ZNF3: variants seen among roughly 807,000 people sequenced by gnomAD.
ZNF3 encodes C2-H2 type zinc finger protein.
Under a neutral mutation model 36.9 loss-of-function variants are expected in ZNF3, and 16 were observed. The observed-to-expected ratio is 0.43, with a 90% CI of 0.29 to 0.66. The LOEUF (loss-of-function observed/expected upper bound fraction) is 0.66. Ranked by LOEUF, ZNF3 falls within the 30% of genes least tolerant of loss-of-function variation. The pLI is 0.13. For missense variants in ZNF3, 462 were observed against 543.1 expected (o/e 0.85, Z 1.48); for synonymous variants, 201 against 201.9 (o/e 1.00, Z 0.04).
chr7:100,065,808 A>G, downstream of ZNF3, among the ~76,000 whole-genome samples: 1 of 150,506 alleles, frequency 6.6e-6, no homozygotes, highest in East Asian at 1.9e-4. Flanking sequence ...GGACATGGCC[A>G]TAGGGTGAGT....
At chr7:100,065,349 G>A (rs1327204846), downstream of ZNF3, among the ~76,000 whole-genome samples, 5 of 151,740 alleles carry the variant, frequency 3.3e-5, no homozygotes, top group Admixed American at 6.6e-5. Context: ...GCTTGAACCC[G>A]GGAGGCAGAG....
chr7:100,075,378 A>C (rs1348275159), intron 4 of ZNF3, 117 bp from the exon 5 acceptor site: 1 of 1,575,730 alleles, frequency 6.3e-7, no homozygotes, highest in East Asian at 2.2e-5. Context: ...AAGGGAGGAC[A>C]GGGTGGAGGA....
At chr7:100,080,814 T>G (rs939171240) in intron 1 of ZNF3, among the ~76,000 whole-genome samples, 3 of 152,096 alleles carry the variant, frequency 2.0e-5, no homozygotes, top group African/African-American at 7.2e-5. Context: ...AAAAATTAAT[T>G]TTTTTAAAAA....
chr7:100,082,254 G>GA (rs1795075406), upstream of ZNF3: 1 of 152,138 alleles, frequency 6.6e-6, no homozygotes, highest in South Asian at 2.1e-4. Flanking sequence ...TTGACATGAG[G>GA]AAAAAACCCG....
chr7:100,070,927 G>C lies in ZNF3; in HGVS notation c.*216C>G. On this transcript the variant is annotated 3_prime_UTR_variant, in exon 6 of 6. Coordinates refer to ENST00000299667, the MANE Select transcript of ZNF3 (RefSeq NM_032924.5). Reference sequence around the variant, plus strand: ...CCTAAATGGGGTAACTGGTCCCAGAGCTGCTTTCTATTCCCAGCACGCCAT... The same window carrying C: ...CCTAAATGGGGTAACTGGTCCCAGACCTGCTTTCTATTCCCAGCACGCCAT... 1 of 1,353,160 alleles carries C rather than the reference G, an allele frequency of 7.4e-7. No homozygotes were observed. The highest frequency in any genetic ancestry group is 9.5e-7 in the Non-Finnish European group (1 of 1,057,470). 83.8% of individuals were successfully genotyped at this position (1,353,160 alleles called of 1,614,324 possible). A position where few individuals can be genotyped will look rare whatever the true frequency, so the allele number is the denominator to read the frequency against.
chr7:100,081,095 G>C lies in ZNF3; in HGVS notation c.-198+540C>G, dbSNP rs1036374998. Among the ~76,000 whole-genome samples the C allele has an allele frequency of 2.0e-5, 3 of 152,182 alleles. No individual in the cohort carries two copies. Among genetic ancestry groups the C allele is most frequent in the African/African-American group, 7.2e-5 (3 of 41,444 alleles). On this transcript the variant is annotated intron_variant, in intron 1 of 5. Transcript: ENST00000299667. The surrounding 1 kb of genome is among the most constrained non-coding windows in gnomAD (Gnocchi z 4.3). ...TAATACAACTGAAAACGGAGCCTGA[G>C]CCAGGTGTATCACGCGATGCACTGG...
downstream of ZNF3, among the ~76,000 whole-genome samples, chr7:100,067,232 G>A (rs957457074): frequency 6.6e-6 from 1 of 152,112 alleles, no homozygotes; most frequent in African/African-American, 2.4e-5. Flanking sequence ...AACAATCCCG[G>A]TGCTCCCCTC....
chr7:100,074,397 A>G (rs1230426726), intron 5 of ZNF3, among the ~76,000 whole-genome samples: 1 of 152,084 alleles, frequency 6.6e-6, no homozygotes, highest in African/African-American at 2.4e-5. Context: ...CAGCCTCCCA[A>G]GTAGCTGGGA....
rs765463110 is a variant in ZNF3, at chr7:100,071,637, G to A, written c.847C>T (p.Pro283Ser). The A allele has an allele frequency of 6.2e-7, 1 of 1,614,044 alleles. No individual in the cohort carries two copies. The highest frequency in any genetic ancestry group is 1.1e-5 in the South Asian group (1 of 91,086). Residue 283 changes from proline to serine, a missense_variant, in exon 6 of 6, where the codon CCC (proline) becomes TCC (serine). Coordinates refer to ENST00000299667, the MANE Select transcript of ZNF3 (RefSeq NM_032924.5). ...LHRRIHTGEK[P>S]YECNECGKTF... is the part of the protein sequence containing the mutation. ...TTCCCACACTCATTACATTCATAGG[G>A]TTTCTCCCCCGTGTGGATCCTCCGA...
Position 100,081,223 on chromosome 7 carries a change from G to T in ZNF3, c.-198+412C>A, listed in dbSNP as rs1794950467. 6.6e-6 allele frequency among the ~76,000 whole-genome samples: 1 copy of T among 152,214 alleles called. No homozygotes were observed. The highest frequency in any genetic ancestry group is 1.5e-5 in the Non-Finnish European group (1 of 68,046). On this transcript the variant is annotated intron_variant, in intron 1 of 5. Transcript: ENST00000299667. This position sits in a 1 kb window ranked among gnomAD's most constrained non-coding sequence, Gnocchi z 4.3. ...ATTTCTCTGATCCTTGGACCCAGCT[G>T]CGTAAAAATAAACTTCCTCTCCTGC...
chr7:100,072,106 A>C lies in ZNF3; in HGVS notation c.378T>G (p.Phe126Leu). The change falls in exon 6 of 6, where the codon TTT (phenylalanine) becomes TTG (leucine). Residue 126 changes from phenylalanine (F) to leucine (L), a missense_variant. Phe to Leu is a conservative substitution (Grantham distance 22, BLOSUM62 0). Transcript: ENST00000299667. ...TGACTTCTCGTTCATAGGCTTCTTT[A>C]AACTTGAGACCCTGAGAAATATCCT... ...FQKDISQGLK[F>L]KEAYEREVSL... 1 of 1,614,186 alleles carries C rather than the reference A, an allele frequency of 6.2e-7. No individual in the cohort carries two copies. Among genetic ancestry groups the C allele is most frequent in the Non-Finnish European group, 8.5e-7 (1 of 1,180,030 alleles).
chr7:100,067,881 TGGA>T (rs1488517400), downstream of ZNF3, among the ~76,000 whole-genome samples: 1 of 152,166 alleles, frequency 6.6e-6, no homozygotes. Context: ...GCTGGTTAGA[TGGA>T]GGAGGATGAG....
At chr7:100,065,165 C>T (rs1205094937), downstream of ZNF3, 4 of 482,138 alleles carry the variant, frequency 8.3e-6, no homozygotes, top group East Asian at 4.5e-5. Flanking sequence ...CGGTGGCTTA[C>T]GCCTGTAATC....
chr7:100,063,958 C>T, downstream of ZNF3: 2 of 1,614,164 alleles, frequency 1.2e-6, no homozygotes, highest in East Asian at 2.2e-5. Context: ...ACCCCCTCTT[C>T]AAGAGGCAGG....
chr7:100,071,437 G>A lies in ZNF3; in HGVS notation c.1047C>T (p.Phe349=), dbSNP rs1305200704. The A allele has an allele frequency of 6.2e-7, 1 of 1,614,070 alleles. No homozygotes were observed. The highest frequency in any genetic ancestry group is 1.7e-5 in the Admixed American group (1 of 59,990). The stretch of plus-strand genomic sequence containing the variant: ...GCTGATAGAGGTGTGAGCTCTGGCT[G>A]AAGGCTTTCCCACATTCATTACATT... ...PYECNECGKA[F]SQSSHLYQHQ... The change falls in exon 6 of 6, where the codon TTC becomes TTT. Residue 349 remains phenylalanine (F), a synonymous_variant. Transcript: ENST00000299667.
chr7:100,068,790 TGGGACC>T (rs1217111240), downstream of ZNF3, among the ~76,000 whole-genome samples: 1 of 152,016 alleles, frequency 6.6e-6, no homozygotes, highest in Admixed American at 6.6e-5. Flanking sequence ...CCCGAGTAGC[TGGGACC>T]ACAAGTGTGC....
Position 100,072,229 on chromosome 7 carries a change from T to C in ZNF3, c.272-17A>G. On this transcript the variant is annotated splice_polypyrimidine_tract_variant and intron_variant, in intron 5 of 5. Transcript: ENST00000299667. ...TCTCACGATCTGACACAATAAAAAA[T>C]GCAAATGTCACTTGTTCCTTAGGGA... 7 of 1,548,796 alleles carry C rather than the reference T, an allele frequency of 4.5e-6. No homozygotes were observed. Among genetic ancestry groups the C allele is most frequent in the Non-Finnish European group, 6.1e-6 (7 of 1,151,266 alleles).
chr7:100,075,389 A>G (rs540537767), intron 4 of ZNF3, 128 bp from the exon 5 acceptor site: 73 of 1,556,898 alleles, frequency 4.7e-5, no homozygotes, highest in Non-Finnish European at 6.1e-5. Context: ...GGGTGGAGGA[A>G]GAGAGACAGG....
chr7:100,071,357 TTTCCTCCACATTCCATA>T lies in ZNF3; in HGVS notation c.1110_1126del (p.Cys370Ter). 1 of 1,613,782 alleles carries T rather than the reference TTTCCTCCACATTCCATA, an allele frequency of 6.2e-7. No individual in the cohort carries two copies. The highest frequency in any genetic ancestry group is 8.5e-7 in the Non-Finnish European group (1 of 1,179,946). On this transcript the variant is annotated stop_gained and frameshift_variant, in exon 6 of 6. Transcript: ENST00000299667. LOFTEE classifies it high-confidence loss of function. Reference sequence around the variant, plus strand: ...AATAAGGCCTGAACTGTAGGTAAACTTTCCTCCACATTCCATACATTCGTAGGGCTTCTCTCCAGTGT... The same window carrying T: ...AATAAGGCCTGAACTGTAGGTAAACTCATTCGTAGGGCTTCTCTCCAGTGT...
Sources: gnomAD v4.1 joint callset for allele counts (sites outside exome capture counted in the v4.1 genomes callset) on GRCh38, gnomAD v4.1.1 for gene constraint, Gnocchi (gnomAD v3.1) non-coding constraint, MANE v1.5 for transcripts, NCBI Gene and HGNC (gene_info 2026-07-23, HGNC 2026-07-21) for gene names.